The following FYB2 variants were observed in gnomAD, a reference collection of about 807,000 sequenced individuals.
The protein encoded by FYB2 is FYN binding protein 2.
In FYB2, 103 loss-of-function variants were observed where a neutral mutation model predicts 94.1. The ratio of observed to expected loss-of-function variants is 1.09; its 90% CI spans 0.93 to 1.29. The LOEUF (loss-of-function observed/expected upper bound fraction) is 1.29, where lower values mean the gene tolerates loss of function less well. Among genes scored for constraint, FYB2 ranks in the 50% most tolerant of loss-of-function variants. The probability of loss-of-function intolerance (pLI) is 0.00; values close to 1 mark genes in which losing one functional copy is unlikely to be tolerated. For missense variants in FYB2, 896 were observed against 841.5 expected (o/e 1.06, Z -0.80); for synonymous variants, 293 against 287.9 (o/e 1.02, Z -0.18).
chr1:56,825,902 C>T, the FYB2 span, among the ~76,000 whole-genome samples: 1 of 152,194 alleles, frequency 6.6e-6, no homozygotes, highest in African/African-American at 2.4e-5. Flanking sequence ...GACCCCCAAA[C>T]CTGCTCCAAG....
intron 9 of FYB2, among the ~76,000 whole-genome samples, chr1:56,744,758 A>G (rs1486270052): frequency 6.6e-6 from 1 of 152,026 alleles, no homozygotes; most frequent in African/African-American, 2.4e-5. Flanking sequence ...TAGCCAGAAG[A>G]TAGTGTGCCA....
chr1:56,757,687 C>CTTCCTTCTTTTTTTCTTTCTTTCT (rs1293394860), intron 6 of FYB2, among the ~76,000 whole-genome samples: 825 of 71,948 alleles, frequency 0.011, 32 homozygotes, highest in Middle Eastern at 0.027. Context: ...TCCTTCCTTC[C>CTTCCTTCTTTTTTTCTTTCTTTCT]TTCTTTCTTT....
intron 1 of FYB2, among the ~76,000 whole-genome samples, chr1:56,796,031 A>G (rs1168035303): frequency 6.6e-6 from 1 of 152,200 alleles, no homozygotes; most frequent in Non-Finnish European, 1.5e-5. Flanking sequence ...ACAAGAAAAT[A>G]TTAGAGACAA....
chr1:56,795,726 C>T (rs1039437015), intron 1 of FYB2, among the ~76,000 whole-genome samples: 2 of 151,530 alleles, frequency 1.3e-5, no homozygotes, highest in Non-Finnish European at 2.9e-5. Context: ...ATTTTCAGTT[C>T]TTCACTATTT....
In FYB2 at chr1:56,781,859, G is replaced by C. The variant is rs934753900; in HGVS notation, c.953+5316C>G. On this transcript the variant is annotated intron_variant, in intron 4 of 19. Transcript: ENST00000343433. ...CTTTCTCCTTTAAAATGTCCTAAGC[G>C]TGGTTCTCCCTTTAGTCTTTGTGCC... Among the ~76,000 whole-genome samples, 4 of 152,214 alleles carry C rather than the reference G, an allele frequency of 2.6e-5. No homozygotes were observed. The South Asian group carries it at 8.3e-4, about 32-fold the overall frequency.
intron 9 of FYB2, among the ~76,000 whole-genome samples, chr1:56,749,667 G>A (rs1645149715): frequency 6.6e-6 from 1 of 151,876 alleles, no homozygotes; most frequent in African/African-American, 2.4e-5. Flanking sequence ...TCTGCTATCT[G>A]TTCCACTGGT....
At chr1:56,759,755 C>T (rs1645443933) in intron 5 of FYB2, among the ~76,000 whole-genome samples, 2 of 152,064 alleles carry the variant, frequency 1.3e-5, no homozygotes, top group East Asian at 1.9e-4. Flanking sequence ...TGGTACCTGC[C>T]TTACAGAGTT....
Position 56,723,573 on chromosome 1 carries a change from C to T in FYB2, c.1974+15G>A. On this transcript the variant is annotated intron_variant, in intron 17 of 19. Transcript: ENST00000343433. ...TGTTAATATTGCTAATTTTTACCTT[C>T]AGAAGAGAACGTACCTTAAACCTTT... is the stretch of plus-strand genomic sequence containing the variant. 7.0e-7 allele frequency: 1 copy of T among 1,438,786 alleles called. No homozygotes were observed. Among genetic ancestry groups the T allele is most frequent in the East Asian group, 2.4e-5 (1 of 42,376 alleles). The allele number at this position is 1,438,786 out of a possible 1,614,324, so 89.1% of individuals were successfully genotyped here.
At chr1:56,768,444 A>G (rs1645678095) in intron 4 of FYB2, among the ~76,000 whole-genome samples, 2 of 152,202 alleles carry the variant, frequency 1.3e-5, no homozygotes, top group African/African-American at 4.8e-5. Flanking sequence ...CCACTCTCCC[A>G]GGGAATGAGC....
chr1:56,780,595 G>A (rs921152256), intron 4 of FYB2, among the ~76,000 whole-genome samples: 1 of 152,212 alleles, frequency 6.6e-6, no homozygotes, highest in Non-Finnish European at 1.5e-5. Context: ...TGGTCAGAGA[G>A]CGCACAAAGC....
chr1:56,780,659 G>T (rs975586660), intron 4 of FYB2, among the ~76,000 whole-genome samples: 3 of 152,048 alleles, frequency 2.0e-5, no homozygotes, highest in South Asian at 2.1e-4. Context: ...TGAGAGAGAG[G>T]ACATAAGGTA....
intron 9 of FYB2, among the ~76,000 whole-genome samples, chr1:56,747,072 C>G (rs190343343): frequency 3.4e-4 from 52 of 151,906 alleles, no homozygotes; most frequent in Non-Finnish European, 7.1e-4. Flanking sequence ...TCTAATTTCA[C>G]TATATTTCTT....
upstream of FYB2, chr1:56,819,425 C>T: frequency 7.8e-7 from 1 of 1,279,014 alleles, no homozygotes. Flanking sequence ...TGAGCCCAGG[C>T]TCCCCACCTG....
intron 5 of FYB2, among the ~76,000 whole-genome samples, chr1:56,759,714 T>A (rs949354650): frequency 6.6e-6 from 1 of 152,172 alleles, no homozygotes; most frequent in Non-Finnish European, 1.5e-5. Context: ...TCTTTGAGCC[T>A]CAGCTTGCTC....
rs1645660758 is a variant in FYB2, at chr1:56,767,831, T to C, written c.1061A>G (p.Asp354Gly). 1 of 1,595,116 alleles carries C rather than the reference T, an allele frequency of 6.3e-7. No individual in the cohort carries two copies. The highest frequency in any genetic ancestry group is 1.1e-5 in the South Asian group (1 of 89,324). ...ATTAATTGGCTTAGCAGACTTACGA[T>C]CAGCAATTTCTTTTGCAGTGCACAG... Reference protein sequence around the residue: ...INLCTAKEIADPTYEVGIEEL... With the variant: ...INLCTAKEIAGPTYEVGIEEL... Residue 354 changes from aspartate to glycine, a missense_variant and splice_region_variant, in exon 5 of 20, where the codon GAT becomes GGT. Transcript: ENST00000343433.
At chr1:56,784,455 T>C (rs1646085182) in intron 4 of FYB2, among the ~76,000 whole-genome samples, 1 of 152,200 alleles carries the variant, frequency 6.6e-6, no homozygotes, top group Non-Finnish European at 1.5e-5. Context: ...TCATGGATGA[T>C]ATTCTTCCCA....
At chr1:56,742,910 C>T (rs1644987321) in intron 11 of FYB2, among the ~76,000 whole-genome samples, 1 of 151,914 alleles carries the variant, frequency 6.6e-6, no homozygotes. Flanking sequence ...TGATTCTCTC[C>T]ACTCCATTGC....
chr1:56,826,670 A>G, the FYB2 span: 3 of 152,214 alleles, frequency 2.0e-5, no homozygotes, highest in Non-Finnish European at 2.9e-5. Context: ...GTATTTCCAC[A>G]GTTCCTTCAT....
intron 16 of FYB2, 31 bp downstream of exon 16, chr1:56,726,466 A>G (rs1187172733): frequency 6.3e-7 from 1 of 1,581,942 alleles, no homozygotes; most frequent in Non-Finnish European, 8.6e-7. Context: ...GCAGCAGATA[A>G]GCTATAATAG....
Sources: allele counts gnomAD v4.1 joint callset (sites outside exome capture counted in the v4.1 genomes callset), GRCh38; gene constraint gnomAD v4.1.1; transcripts MANE v1.5; gene names NCBI Gene and HGNC (gene_info 2026-07-23, HGNC 2026-07-21).